Variants in CELF2 observed in about 807,000 individuals in gnomAD.
CELF2 encodes the protein CUGBP Elav-like family member 2.
In CELF2, 8 loss-of-function variants were observed where a neutral mutation model predicts 62.6. The observed-to-expected ratio is 0.13, with a 90% confidence interval of 0.07 to 0.23. The LOEUF is 0.23. CELF2 is among the 10% of genes least tolerant of loss of function. The probability of loss-of-function intolerance (pLI) is 1.00; values close to 1 mark genes in which losing one functional copy is unlikely to be tolerated. For synonymous variants in CELF2, 258 were observed against 250.0 expected (o/e 1.03, Z -0.30); for missense variants, 333 against 671.0 (o/e 0.50, Z 5.56).
At chr10:11,204,238 C>T (rs531378626) in intron 2 of CELF2, among the ~76,000 whole-genome samples, 1 of 152,182 alleles carries the variant, frequency 6.6e-6, no homozygotes, top group South Asian at 2.1e-4. Flanking sequence ...AGATTCTGGG[C>T]TTGGCACTGT....
chr10:10,801,037 G>T (rs1406728939), intron 1 of CELF2, among the ~76,000 whole-genome samples: 1 of 151,534 alleles, frequency 6.6e-6, no homozygotes, highest in African/African-American at 2.4e-5. Flanking sequence ...GCCCCCAAAG[G>T]CATTTTTAGA....
At chr10:10,765,335 C>T in the CELF2 span, among the ~76,000 whole-genome samples, 1 of 152,158 alleles carries the variant, frequency 6.6e-6, no homozygotes, top group Non-Finnish European at 1.5e-5. Flanking sequence ...TTTGGTGTGA[C>T]AGCATTAGAT....
chr10:10,803,285 A>G (rs1476455908), intron 1 of CELF2, among the ~76,000 whole-genome samples: 1 of 152,220 alleles, frequency 6.6e-6, no homozygotes, highest in Non-Finnish European at 1.5e-5. Context: ...CAAAGCCAGT[A>G]TCCTTATTTT....
chr10:10,647,105 G>A, the CELF2 span, among the ~76,000 whole-genome samples: 1 of 152,158 alleles, frequency 6.6e-6, no homozygotes, highest in African/African-American at 2.4e-5. Flanking sequence ...ATGATAAGCA[G>A]GGTCTAAGTT....
At position 11,247,823 on chromosome 10, in the gene CELF2, A is replaced by G. The variant is rs1319554453; in HGVS notation, c.355-1330A>G. Reference sequence around the variant, plus strand: ...GTCCTTCTCTCCATTTCTATAGGATAGAGGTCACATTCCTCAGCCCAACTC... The same window carrying G: ...GTCCTTCTCTCCATTTCTATAGGATGGAGGTCACATTCCTCAGCCCAACTC... On this transcript the variant is annotated intron_variant, in intron 3 of 12. Coordinates refer to ENST00000633077, the MANE Select transcript of CELF2 (RefSeq NM_001326342.2). This position sits in a 1 kb window ranked among gnomAD's most constrained non-coding sequence, Gnocchi z 5.4. Among the ~76,000 whole-genome samples the G allele has an allele frequency of 6.6e-6, 1 of 152,164 alleles. No homozygotes were observed. Among genetic ancestry groups the G allele is most frequent in the Non-Finnish European group, 1.5e-5 (1 of 68,022 alleles).
chr10:11,046,240 A>C lies in CELF2; in HGVS notation c.74+28077A>C, dbSNP rs1197859566. 6.6e-6 allele frequency among the ~76,000 whole-genome samples: 1 copy of C among 152,176 alleles called. No homozygotes were observed. The highest frequency in any genetic ancestry group is 1.5e-5 in the Non-Finnish European group (1 of 68,040). On this transcript the variant is annotated intron_variant, in intron 1 of 12. Transcript: ENST00000633077. This position sits in a 1 kb window ranked among gnomAD's most constrained non-coding sequence, Gnocchi z 4.6. ...GGCCCATCCCCAGACGTTCCGATTC[A>C]GCGGGTCCAAGGTGGGGCTGGGAAT... is the stretch of plus-strand genomic sequence containing the variant.
chr10:11,062,794 T>G (rs1279464058), intron 1 of CELF2, among the ~76,000 whole-genome samples: 1 of 152,194 alleles, frequency 6.6e-6, no homozygotes. Flanking sequence ...TTGTGAGGAT[T>G]GACTCCAATT....
chr10:11,094,905 A>AT (rs1404064569), intron 1 of CELF2, among the ~76,000 whole-genome samples: 1 of 152,198 alleles, frequency 6.6e-6, no homozygotes, highest in Non-Finnish European at 1.5e-5. Context: ...ATTGAATATC[A>AT]TTTTCTACAT....
chr10:11,222,607 A>T (rs936268240), intron 3 of CELF2, among the ~76,000 whole-genome samples: 16 of 152,208 alleles, frequency 1.1e-4, no homozygotes, highest in African/African-American at 3.6e-4. Flanking sequence ...GCACTGTTCT[A>T]GATACCAGGG....
intron 2 of CELF2, among the ~76,000 whole-genome samples, chr10:10,996,387 C>T (rs560847213): frequency 1.4e-3 from 207 of 152,282 alleles, no homozygotes; most frequent in African/African-American, 4.7e-3. Context: ...GTTTGGTTAG[C>T]GTCGGTGAAG....
the CELF2 span, among the ~76,000 whole-genome samples, chr10:10,665,675 T>A: frequency 6.6e-6 from 1 of 152,178 alleles, no homozygotes; most frequent in African/African-American, 2.4e-5. Flanking sequence ...TTTCAGTGCA[T>A]CACAAATTAG....
intron 3 of CELF2, among the ~76,000 whole-genome samples, chr10:11,235,905 G>A (rs1265074899): frequency 1.3e-5 from 2 of 152,184 alleles, no homozygotes; most frequent in African/African-American, 4.8e-5. Context: ...AATTACCCTA[G>A]TTATGTTTTC....
intron 2 of CELF2, among the ~76,000 whole-genome samples, chr10:10,967,022 CAGA>C: frequency 6.6e-6 from 1 of 152,178 alleles, no homozygotes; most frequent in East Asian, 1.9e-4. Context: ...TTAAATTTAA[CAGA>C]GTTTAATTGA....
the CELF2 span, among the ~76,000 whole-genome samples, chr10:10,619,023 C>T: frequency 6.6e-6 from 1 of 151,688 alleles, no homozygotes; most frequent in South Asian, 2.1e-4. Context: ...TGGCTGGCGC[C>T]ATGTTGCCTG....
At chr10:11,317,820 GTGCCGGCCCTAC>G (rs901173673) in intron 10 of CELF2, 1 of 152,270 alleles carries the variant, frequency 6.6e-6, no homozygotes, top group African/African-American at 2.4e-5. Context: ...GTCAGGCTGC[GTGCCGGCCCTAC>G]TGACGGGCCA....
At position 11,030,041 on chromosome 10, in the gene CELF2, G is replaced by A. The variant is rs116537020; in HGVS notation, c.74+11878G>A. Among the ~76,000 whole-genome samples, 1,095 of 152,156 alleles carry A rather than the reference G, an allele frequency of 7.2e-3. 11 individuals carry two copies. Among genetic ancestry groups the A allele is most frequent in the African/African-American group, 0.025 (1,038 of 41,494 alleles). On this transcript the variant is annotated intron_variant, in intron 1 of 12. Coordinates refer to ENST00000633077, the MANE Select transcript of CELF2 (RefSeq NM_001326342.2). ...CCAGATGCCTGCTCAAGTAATAATC[G>A]TGCAGACCCCAGAAGCCAGAAAACA...
the CELF2 span, among the ~76,000 whole-genome samples, chr10:10,571,601 G>A: frequency 1.3e-5 from 2 of 152,100 alleles, no homozygotes; most frequent in Non-Finnish European, 2.9e-5. Context: ...TAAAGAAAGT[G>A]AAGGCATCTG....
the CELF2 span, among the ~76,000 whole-genome samples, chr10:10,478,747 T>C: frequency 6.6e-6 from 1 of 152,180 alleles, no homozygotes. Flanking sequence ...GGGTCTTTAT[T>C]TGGCCCCAGA....
chr10:10,576,999 A>C, the CELF2 span, among the ~76,000 whole-genome samples: 1 of 152,316 alleles, frequency 6.6e-6, no homozygotes, highest in East Asian at 1.9e-4. Flanking sequence ...GAAGGAAAAC[A>C]CTAATCACAC....
Sources: allele counts gnomAD v4.1 joint callset (sites outside exome capture counted in the v4.1 genomes callset), GRCh38; gene constraint gnomAD v4.1.1; non-coding constraint Gnocchi (gnomAD v3.1); transcripts MANE v1.5; gene names NCBI Gene and HGNC (gene_info 2026-07-23, HGNC 2026-07-21).